SLC5A4: variants seen among roughly 807,000 people sequenced by gnomAD.
SLC5A4 encodes the protein probable glucose sensor protein SLC5A4.
SLC5A4 carries 55 observed loss-of-function variants against 70.3 expected under a neutral mutation model. The ratio of observed to expected loss-of-function variants is 0.78; its 90% confidence interval spans 0.63 to 0.98. SLC5A4 has a LOEUF of 0.98. Ranked by LOEUF, SLC5A4 falls within the 50% of genes least tolerant of loss-of-function variation. The pLI, the probability that SLC5A4 is intolerant of heterozygous loss-of-function variation, is 0.00. For synonymous variants in SLC5A4, 268 were observed against 305.7 expected (o/e 0.88, Z 1.29); for missense variants, 735 against 839.2 (o/e 0.88, Z 1.53).
At chr22:32,272,015 CT>C in the SLC5A4 span, 1 of 629,228 alleles carries the variant, frequency 1.6e-6, no homozygotes, top group African/African-American at 1.8e-5. Context: ...AGGAGGCGGC[CT>C]TATCTATCCA....
chr22:32,292,213 A>G, the SLC5A4 span, among the ~76,000 whole-genome samples: 1 of 73,270 alleles, frequency 1.4e-5, no homozygotes, highest in African/African-American at 7.4e-5. Flanking sequence ...TATATAATAT[A>G]TATATTATAT....
intron 5 of SLC5A4, among the ~76,000 whole-genome samples, chr22:32,245,304 T>G (rs1926754789): frequency 6.6e-6 from 1 of 152,190 alleles, no homozygotes; most frequent in Non-Finnish European, 1.5e-5. Context: ...GGACTCCTGC[T>G]AAGGTGTCTT....
At chr22:32,343,878 G>A in the SLC5A4 span, among the ~76,000 whole-genome samples, 1 of 152,316 alleles carries the variant, frequency 6.6e-6, no homozygotes, top group South Asian at 2.1e-4. Context: ...CCACTGGTTT[G>A]TTATATTGAA....
chr22:32,248,861 TCTC>T (rs140925861), intron 3 of SLC5A4, 59 bp from the exon 4 acceptor site: 12,583 of 1,133,016 alleles, frequency 0.011, 116 homozygotes, highest in Non-Finnish European at 0.013. Flanking sequence ...TTGTGGACCT[TCTC>T]CTTCTATGAC....
At chr22:32,271,955 G>A in the SLC5A4 span, 28 of 592,042 alleles carry the variant, frequency 4.7e-5, no homozygotes, top group Admixed American at 2.3e-5. Flanking sequence ...TGACTGGCGA[G>A]GAGAAGGCAT....
chr22:32,227,719 C>T (rs978980578), intron 11 of SLC5A4, among the ~76,000 whole-genome samples: 8 of 152,112 alleles, frequency 5.3e-5, no homozygotes, highest in Non-Finnish European at 8.8e-5. Context: ...GGGCGGATCA[C>T]GAGGTCAAGA....
At chr22:32,277,380 C>T in the SLC5A4 span, among the ~76,000 whole-genome samples, 31 of 152,204 alleles carry the variant, frequency 2.0e-4, no homozygotes, top group African/African-American at 7.0e-4. Flanking sequence ...CTTCTGCTTT[C>T]TTATATGGAT....
chr22:32,343,628 C>G, the SLC5A4 span, among the ~76,000 whole-genome samples: 4 of 152,166 alleles, frequency 2.6e-5, no homozygotes, highest in African/African-American at 9.7e-5. Flanking sequence ...GCAGTCTTAA[C>G]GGATAAACTA....
At chr22:32,257,539 G>A (rs1927550261), upstream of SLC5A4, among the ~76,000 whole-genome samples, 1 of 152,094 alleles carries the variant, frequency 6.6e-6, no homozygotes, top group Non-Finnish European at 1.5e-5. Context: ...TTTTTTAGAG[G>A]TGGGGGTCTT....
chr22:32,266,419 T>C, the SLC5A4 span, among the ~76,000 whole-genome samples: 9 of 152,274 alleles, frequency 5.9e-5, no homozygotes, highest in African/African-American at 1.7e-4. Context: ...ACTTCATTTA[T>C]CAAACGTGGT....
chr22:32,312,386 C>CAT, the SLC5A4 span, among the ~76,000 whole-genome samples: 3,973 of 150,400 alleles, frequency 0.026, 88 homozygotes, highest in Middle Eastern at 0.082. Context: ...CACACACACA[C>CAT]GCACATTCAA....
At chr22:32,249,340 A>C (rs1411417246) in intron 3 of SLC5A4, among the ~76,000 whole-genome samples, 1 of 152,176 alleles carries the variant, frequency 6.6e-6, no homozygotes, top group Non-Finnish European at 1.5e-5. Context: ...TGAGCCTTAC[A>C]GAGATTAAGG....
upstream of SLC5A4, among the ~76,000 whole-genome samples, chr22:32,257,097 A>T (rs972385933): frequency 5.3e-5 from 8 of 152,244 alleles, no homozygotes; most frequent in African/African-American, 1.7e-4. Context: ...AATTATAGAC[A>T]GGCTAGTAGG....
the SLC5A4 span, among the ~76,000 whole-genome samples, chr22:32,351,713 G>A: frequency 0.018 from 1,444 of 78,972 alleles, 39 homozygotes; most frequent in African/African-American, 0.023. Context: ...GGGGGTGGGG[G>A]GCGTGGGGGG....
At chr22:32,291,529 CAAACTTGTGT>C in the SLC5A4 span, among the ~76,000 whole-genome samples, 1 of 152,162 alleles carries the variant, frequency 6.6e-6, no homozygotes, top group African/African-American at 2.4e-5. Flanking sequence ...AGTTTTCAGT[CAAACTTGTGT>C]ATCAACTTGG....
At chr22:32,307,404 G>A in the SLC5A4 span, among the ~76,000 whole-genome samples, 1 of 152,146 alleles carries the variant, frequency 6.6e-6, no homozygotes, top group Non-Finnish European at 1.5e-5. Flanking sequence ...TTCATTTTGT[G>A]AATCTGAGTG....
chr22:32,354,184 A>C, the SLC5A4 span, among the ~76,000 whole-genome samples: 1 of 118,748 alleles, frequency 8.4e-6, no homozygotes, highest in East Asian at 2.7e-4. Context: ...AGCGCCCCCA[A>C]CCAGCCTCCC....
At chr22:32,284,611 A>C in the SLC5A4 span, 41 of 152,328 alleles carry the variant, frequency 2.7e-4, no homozygotes, top group East Asian at 4.6e-3. Flanking sequence ...TTCTAAGAAG[A>C]AGCACTCCAA....
chr22:32,304,839 G>A, the SLC5A4 span, among the ~76,000 whole-genome samples: 15 of 139,682 alleles, frequency 1.1e-4, no homozygotes, highest in African/African-American at 3.4e-4. Context: ...CTATGTTCTA[G>A]GAGTTCTACA....
Sources: allele counts gnomAD v4.1 joint callset (sites outside exome capture counted in the v4.1 genomes callset), GRCh38; gene constraint gnomAD v4.1.1; transcripts MANE v1.5; gene names NCBI Gene and HGNC (gene_info 2026-07-23, HGNC 2026-07-21).